GNG12: variants seen among roughly 807,000 people sequenced by gnomAD.
GNG12 encodes guanine nucleotide-binding protein G(I)/G(S)/G(O) subunit gamma-12.
For missense variants in GNG12, 69 were observed against 83.8 expected (o/e 0.82, Z 0.69); for synonymous variants, 28 against 29.7 (o/e 0.94, Z 0.19).
chr1:67,808,776 T>C (rs1297240085), intron 1 of GNG12, among the ~76,000 whole-genome samples: 1 of 152,248 alleles, frequency 6.6e-6, no homozygotes, highest in East Asian at 1.9e-4. Flanking sequence ...AACTATAAAA[T>C]GCTGATGAAA....
chr1:67,799,947 G>A (rs1045570031), intron 1 of GNG12, among the ~76,000 whole-genome samples: 5 of 152,084 alleles, frequency 3.3e-5, no homozygotes, highest in African/African-American at 7.2e-5. Flanking sequence ...TAGTTTTAGT[G>A]TATGAAGAGT....
intron 1 of GNG12, among the ~76,000 whole-genome samples, chr1:67,802,034 T>G (rs1646868890): frequency 6.6e-6 from 1 of 152,068 alleles, no homozygotes. Context: ...AATGCCTGGG[T>G]GAACCTGGGC....
chr1:67,807,104 G>T (rs929635244), intron 1 of GNG12, among the ~76,000 whole-genome samples: 1 of 152,088 alleles, frequency 6.6e-6, no homozygotes, highest in Non-Finnish European at 1.5e-5. Context: ...AGACAACAAT[G>T]AAATTAAGCT....
chr1:67,752,947 C>T (rs562447040), intron 2 of GNG12, among the ~76,000 whole-genome samples: 1 of 152,180 alleles, frequency 6.6e-6, no homozygotes, highest in African/African-American at 2.4e-5. Flanking sequence ...ATTATGGCTT[C>T]CAGTAACCTT....
chr1:67,738,082 C>A (rs766657595), intron 2 of GNG12, among the ~76,000 whole-genome samples: 2 of 151,910 alleles, frequency 1.3e-5, no homozygotes, highest in Admixed American at 6.6e-5. Flanking sequence ...GACAGGTGTG[C>A]GCCACCATGT....
chr1:67,818,935 T>C (rs1214289116), intron 1 of GNG12, among the ~76,000 whole-genome samples: 1 of 152,156 alleles, frequency 6.6e-6, no homozygotes, highest in Non-Finnish European at 1.5e-5. Flanking sequence ...ACCTGGGCAG[T>C]GTGAATCTTC....
Position 67,701,884 on chromosome 1 carries a change from T to G in GNG12, c.*3567A>C, listed in dbSNP as rs971878553. 2.6e-5 allele frequency: 4 copies of G among 152,652 alleles called. No individual in the cohort carries two copies. The highest frequency in any genetic ancestry group is 9.6e-5 in the African/African-American group (4 of 41,464). The allele number at this position is 152,652 out of a possible 1,614,324, so 9.5% of individuals were successfully genotyped here. A position where few individuals can be genotyped will look rare whatever the true frequency, so the allele number is the denominator to read the frequency against. On this transcript the variant is annotated 3_prime_UTR_variant, in exon 4 of 4. Transcript: ENST00000370982. ...GAAGCTATTAAATGAACAAACATTA[T>G]AGATAAACCAATTTTATATCTGAAG...
chr1:67,753,541 G>A (rs570231616), intron 2 of GNG12, among the ~76,000 whole-genome samples: 14 of 152,096 alleles, frequency 9.2e-5, no homozygotes, highest in Non-Finnish European at 1.0e-4. Context: ...GAACTGAAGC[G>A]GGGGCCAGGG....
At chr1:67,816,079 C>T (rs1013684556) in intron 1 of GNG12, among the ~76,000 whole-genome samples, 3 of 152,250 alleles carry the variant, frequency 2.0e-5, no homozygotes, top group African/African-American at 7.2e-5. Context: ...GCCCTGGTCC[C>T]TTCTGCCTTC....
intron 2 of GNG12, among the ~76,000 whole-genome samples, chr1:67,720,518 C>T (rs1026785382): frequency 1.3e-5 from 2 of 152,144 alleles, no homozygotes; most frequent in African/African-American, 4.8e-5. Flanking sequence ...TGTGCTTATC[C>T]ATAAATGAAT....
intron 1 of GNG12, among the ~76,000 whole-genome samples, chr1:67,821,350 T>C (rs977553029): frequency 6.6e-6 from 1 of 150,588 alleles, no homozygotes; most frequent in African/African-American, 2.4e-5. Flanking sequence ...AAAAAAAACA[T>C]CAGAGAGATC....
intron 2 of GNG12, among the ~76,000 whole-genome samples, chr1:67,719,268 C>T (rs190049088): frequency 2.6e-5 from 4 of 152,292 alleles, no homozygotes; most frequent in Non-Finnish European, 5.9e-5. Flanking sequence ...GTTCACATCA[C>T]CTCTTCCAAG....
At chr1:67,764,378 T>C (rs1442351176) in intron 2 of GNG12, among the ~76,000 whole-genome samples, 1 of 152,166 alleles carries the variant, frequency 6.6e-6, no homozygotes, top group African/African-American at 2.4e-5. Context: ...TTACTAAAAA[T>C]ACGAACCCTT....
At chr1:67,784,474 A>T (rs1293882838) in intron 1 of GNG12, among the ~76,000 whole-genome samples, 2 of 151,858 alleles carry the variant, frequency 1.3e-5, no homozygotes, top group African/African-American at 4.8e-5. Context: ...AAAAAAATTA[A>T]AAAAATAAAA....
rs146006119 is a variant in GNG12 at position 67,716,499 on chromosome 1, G to T, written c.-26-8787C>A. ...AAGTCTGTCAACAACTCTAAGAGAT[G>T]AATCCTATTATTTCTGTTTGACAGA... On this transcript the variant is annotated intron_variant, in intron 2 of 3. Coordinates refer to ENST00000370982, the MANE Select transcript of GNG12 (RefSeq NM_018841.6). Among the ~76,000 whole-genome samples the T allele has an allele frequency of 7.1e-4, 108 of 152,286 alleles. 1 individual carries two copies. The highest frequency in any genetic ancestry group is 2.5e-3 in the African/African-American group (102 of 41,550).
At chr1:67,797,743 A>C (rs1646840582) in intron 1 of GNG12, among the ~76,000 whole-genome samples, 1 of 152,222 alleles carries the variant, frequency 6.6e-6, no homozygotes, top group Non-Finnish European at 1.5e-5. Context: ...AATAACCATC[A>C]GTCCAATTCC....
chr1:67,768,730 A>C (rs182725960), intron 2 of GNG12, among the ~76,000 whole-genome samples: 1 of 152,224 alleles, frequency 6.6e-6, no homozygotes, highest in Admixed American at 6.5e-5. Flanking sequence ...AAGTGTCTCA[A>C]TAGATAAGGA....
chr1:67,740,806 A>G (rs1055514199), intron 2 of GNG12, among the ~76,000 whole-genome samples: 11 of 152,216 alleles, frequency 7.2e-5, no homozygotes, highest in African/African-American at 2.4e-4. Context: ...GGCACCGTGT[A>G]TGAGGAAGCA....
At chr1:67,818,555 A>C (rs1646967655) in intron 1 of GNG12, among the ~76,000 whole-genome samples, 1 of 151,660 alleles carries the variant, frequency 6.6e-6, no homozygotes, top group Non-Finnish European at 1.5e-5. Flanking sequence ...ATGTAAAATG[A>C]TGGTCAAATT....
Sources: gnomAD v4.1 joint callset for allele counts (sites outside exome capture counted in the v4.1 genomes callset) on GRCh38, gnomAD v4.1.1 for gene constraint, MANE v1.5 for transcripts, NCBI Gene and HGNC (gene_info 2026-07-23, HGNC 2026-07-21) for gene names.